Variants in EPB41L2 observed in about 807,000 individuals in gnomAD.
The protein encoded by EPB41L2 is band 4.1-like protein 2.
EPB41L2 carries 43 observed loss-of-function variants against 113.0 expected under a neutral mutation model. That is an observed-to-expected ratio of 0.38 (90% CI 0.30 to 0.49). The LOEUF is 0.49. Among genes scored for constraint, EPB41L2 ranks in the 20% least tolerant of loss-of-function variants. EPB41L2 has a pLI of 0.95. For synonymous variants in EPB41L2, 442 were observed against 436.7 expected (o/e 1.01, Z -0.15); for missense variants, 1,147 against 1,223.4 (o/e 0.94, Z 0.93).
chr6:130,888,454 C>T (rs1269201915), intron 11 of EPB41L2, among the ~76,000 whole-genome samples: 3 of 152,128 alleles, frequency 2.0e-5, no homozygotes, highest in African/African-American at 7.2e-5. Flanking sequence ...ACTAACTGCC[C>T]ATACAAGATG....
At chr6:130,918,588 CTAACAA>C (rs956309906) in intron 4 of EPB41L2, among the ~76,000 whole-genome samples, 1 of 152,066 alleles carries the variant, frequency 6.6e-6, no homozygotes, top group African/African-American at 2.4e-5. Flanking sequence ...AGCTTTAACA[CTAACAA>C]TGACAGATTT....
At chr6:130,915,784 T>C (rs1296210938) in intron 4 of EPB41L2, among the ~76,000 whole-genome samples, 2 of 152,054 alleles carry the variant, frequency 1.3e-5, no homozygotes, top group Non-Finnish European at 2.9e-5. Flanking sequence ...CGAGATCTAA[T>C]AGTTTTAAAA....
chr6:130,899,801 C>T (rs1795794961), intron 7 of EPB41L2, among the ~76,000 whole-genome samples: 1 of 144,978 alleles, frequency 6.9e-6, no homozygotes, highest in South Asian at 2.3e-4. Context: ...TATACCTCCA[C>T]TCTTACCCAT....
In EPB41L2 at chr6:130,867,937, GACACAC is replaced by G. The variant is rs58752395; in HGVS notation, c.2608-362_2608-357del. On this transcript the variant is annotated intron_variant, in intron 15 of 19. Transcript: ENST00000337057. ...TTTTATGTCAAGCCTAGTGTATAGT[GACACAC>G]ACACACACACACACACACACACACA... 3.7e-3 allele frequency: 656 copies of G among 179,212 alleles called. 10 individuals are homozygous for G. The highest frequency in any genetic ancestry group is 9.0e-3 in the African/African-American group (345 of 38,202). The allele number at this position is 179,212 out of a possible 1,614,324, so 11.1% of individuals were successfully genotyped here. A position where few individuals can be genotyped will look rare whatever the true frequency, so the allele number is the denominator to read the frequency against.
intron 1 of EPB41L2, among the ~76,000 whole-genome samples, chr6:131,037,054 T>C (rs549484131): frequency 3.3e-5 from 5 of 152,354 alleles, no homozygotes; most frequent in Admixed American, 2.6e-4. Context: ...ACATTACGAT[T>C]AGCACTTCAG....
chr6:130,950,350 C>T (rs1431836386), intron 3 of EPB41L2, among the ~76,000 whole-genome samples: 1 of 151,202 alleles, frequency 6.6e-6, no homozygotes, highest in Non-Finnish European at 1.5e-5. Context: ...TTTAAAAAGG[C>T]AAACGACACT....
intron 1 of EPB41L2, among the ~76,000 whole-genome samples, chr6:131,055,902 T>C (rs1397796173): frequency 6.6e-6 from 1 of 152,146 alleles, no homozygotes; most frequent in African/African-American, 2.4e-5. Context: ...CCTTACAGGA[T>C]TACTTACAAT....
chr6:130,869,183 T>C lies in EPB41L2; in HGVS notation c.2607+380A>G, dbSNP rs552635582. ...GACCATTTTTTTTTTCAACATTACA[T>C]ATACATTTTTCTAATTAAACCAAAA... On this transcript the variant is annotated intron_variant, in intron 15 of 19. Coordinates refer to ENST00000337057, the MANE Select transcript of EPB41L2 (RefSeq NM_001431.4). Among the ~76,000 whole-genome samples the C allele has an allele frequency of 5.3e-5, 8 of 152,022 alleles. No individual in the cohort carries two copies. The East Asian group carries it at 1.3e-3, about 26-fold the overall frequency.
At chr6:130,925,211 CAG>C (rs1804292315) in intron 4 of EPB41L2, among the ~76,000 whole-genome samples, 1 of 103,996 alleles carries the variant, frequency 9.6e-6, no homozygotes. Context: ...TTTTTTGAGA[CAG>C]AGTCTCACTC....
intron 1 of EPB41L2, among the ~76,000 whole-genome samples, chr6:130,988,652 C>A (rs1324754353): frequency 2.6e-5 from 4 of 152,100 alleles, no homozygotes; most frequent in Non-Finnish European, 4.4e-5. Context: ...ACATGGTAGA[C>A]CAAGTCTACC....
intron 1 of EPB41L2, among the ~76,000 whole-genome samples, chr6:130,995,074 C>T (rs895209836): frequency 6.6e-6 from 1 of 152,146 alleles, no homozygotes; most frequent in South Asian, 2.1e-4. Flanking sequence ...TGGTGGCTCA[C>T]ACCTGTAATC....
intron 1 of EPB41L2, among the ~76,000 whole-genome samples, chr6:130,998,688 A>C (rs1294459259): frequency 6.6e-6 from 1 of 152,214 alleles, no homozygotes; most frequent in Non-Finnish European, 1.5e-5. Context: ...AGTTACAAAC[A>C]GTAGACTCTG....
intron 3 of EPB41L2, among the ~76,000 whole-genome samples, chr6:130,931,292 AAC>A (rs1806751175): frequency 6.6e-6 from 1 of 152,198 alleles, no homozygotes; most frequent in Admixed American, 6.5e-5. Flanking sequence ...AAAAGGTTCT[AAC>A]ACGCATTATT....
intron 1 of EPB41L2, among the ~76,000 whole-genome samples, chr6:131,028,617 C>G (rs191453079): frequency 1.6e-4 from 25 of 152,128 alleles, no homozygotes; most frequent in Non-Finnish European, 1.5e-5. Context: ...ATTTTTGTTC[C>G]CATCATCACA....
chr6:130,949,693 T>C (rs1814181524), intron 3 of EPB41L2, among the ~76,000 whole-genome samples: 2 of 151,986 alleles, frequency 1.3e-5, no homozygotes, highest in Admixed American at 1.3e-4. Flanking sequence ...GAAAGCACTA[T>C]ATAGTTGACT....
chr6:130,904,279 T>C (rs907747203), intron 6 of EPB41L2, among the ~76,000 whole-genome samples, 186 bp downstream of exon 6: 16 of 152,098 alleles, frequency 1.1e-4, no homozygotes, highest in Non-Finnish European at 1.9e-4. Flanking sequence ...TTAAAGAAAG[T>C]GAATAAAATT....
At chr6:130,847,784 G>A (rs928382453) in intron 19 of EPB41L2, among the ~76,000 whole-genome samples, 7 of 152,110 alleles carry the variant, frequency 4.6e-5, no homozygotes, top group African/African-American at 1.7e-4. Context: ...AGCTGTTAAG[G>A]TCTTCTGGTT....
At chr6:131,030,006 A>G (rs945119680) in intron 1 of EPB41L2, among the ~76,000 whole-genome samples, 4 of 151,758 alleles carry the variant, frequency 2.6e-5, no homozygotes, top group African/African-American at 7.3e-5. Flanking sequence ...AAAACTATTC[A>G]GAACCACTGT....
chr6:130,912,893 G>T (rs560792670), intron 4 of EPB41L2, among the ~76,000 whole-genome samples: 3 of 151,080 alleles, frequency 2.0e-5, no homozygotes, highest in African/African-American at 7.3e-5. Context: ...AAATTGAAAA[G>T]AAAAAAAAAG....
Sources: allele counts gnomAD v4.1 joint callset (sites outside exome capture counted in the v4.1 genomes callset), GRCh38; gene constraint gnomAD v4.1.1; transcripts MANE v1.5; gene names NCBI Gene and HGNC (gene_info 2026-07-23, HGNC 2026-07-21).